KLHL29: variants seen among roughly 807,000 people sequenced by gnomAD.
KLHL29 encodes kelch-like protein 29.
Under a neutral mutation model 80.4 loss-of-function variants are expected in KLHL29, and 21 were observed. That is an observed-to-expected ratio of 0.26 (90% CI 0.19 to 0.38). KLHL29 has a LOEUF of 0.38. Ranked by LOEUF, KLHL29 falls within the 10% of genes least tolerant of loss-of-function variation. KLHL29 has a pLI of 1.00. For synonymous variants in KLHL29, 511 were observed against 526.8 expected, an observed-to-expected ratio of 0.97 and a Z score of 0.41; for missense variants, 867 against 1,223.9, an observed-to-expected ratio of 0.71 and a Z score of 4.35.
chr2:23,621,382 C>G (rs1669178692), intron 3 of KLHL29, among the ~76,000 whole-genome samples: 1 of 152,220 alleles, frequency 6.6e-6, no homozygotes, highest in African/African-American at 2.4e-5. Flanking sequence ...TCCTGAGTCC[C>G]TGCCCTCCTG....
rs944970071 is a variant in KLHL29, at chr2:23,596,445, A to G, written c.285+33964A>G. Among the ~76,000 whole-genome samples the G allele has an allele frequency of 6.6e-6, 1 of 151,968 alleles. No homozygotes were observed. The highest frequency in any genetic ancestry group is 6.6e-5 in the Admixed American group (1 of 15,258). On this transcript the variant is annotated intron_variant, in intron 3 of 13. Transcript: ENST00000486442. This position sits in a 1 kb window ranked among gnomAD's most constrained non-coding sequence, Gnocchi z 4.4. ...AGGAAGGAACCCGTTTCATAAGCGC[A>G]CTCACGTTGGAGCAGAACAGAGTCA... is the stretch of plus-strand genomic sequence containing the variant.
intron 1 of KLHL29, among the ~76,000 whole-genome samples, chr2:23,444,792 C>A (rs1404144938): frequency 6.6e-6 from 1 of 152,104 alleles, no homozygotes; most frequent in East Asian, 1.9e-4. Context: ...TAGAATATAT[C>A]CCGTTACAGA....
intron 2 of KLHL29, among the ~76,000 whole-genome samples, chr2:23,529,949 T>A (rs1666442198): frequency 6.6e-6 from 1 of 152,152 alleles, no homozygotes; most frequent in Non-Finnish European, 1.5e-5. Context: ...GTGGTGAGCA[T>A]GGATCAAGCT....
chr2:23,541,237 G>A (rs1709296), intron 2 of KLHL29, among the ~76,000 whole-genome samples: 11,957 of 152,306 alleles, frequency 0.079, 724 homozygotes, highest in African/African-American at 0.17. Context: ...GGAGGGAGAC[G>A]TGAATGGATG....
intron 1 of KLHL29, among the ~76,000 whole-genome samples, chr2:23,447,095 T>C (rs1663717942): frequency 6.6e-6 from 1 of 152,244 alleles, no homozygotes; most frequent in Non-Finnish European, 1.5e-5. Context: ...GTGTGTTAGA[T>C]GCCACAGTCA....
chr2:23,435,609 T>C (rs1488722695), intron 1 of KLHL29, among the ~76,000 whole-genome samples: 2 of 152,226 alleles, frequency 1.3e-5, no homozygotes, highest in African/African-American at 4.8e-5. Flanking sequence ...AATTTTCTGC[T>C]CCACTAAGTT....
At position 23,691,659 on chromosome 2, in the gene KLHL29, G is replaced by T. The variant is rs534356400; in HGVS notation, c.1080-15G>T. ...GCAGGGCAGGAGGTAAGGACACCCT[G>T]GTCTCTGTGCCTAGGTCCGTGCAAG... On this transcript the variant is annotated splice_polypyrimidine_tract_variant and intron_variant, in intron 6 of 13. Transcript: ENST00000486442. 1.8e-5 allele frequency: 28 copies of T among 1,550,986 alleles called. No individual in the cohort carries two copies. Among genetic ancestry groups the T allele is most frequent in the Non-Finnish European group, 2.4e-5 (27 of 1,146,540 alleles).
chr2:23,642,963 C>T (rs1270401703), intron 5 of KLHL29, 113 bp downstream of exon 5: 24 of 1,263,664 alleles, frequency 1.9e-5, no homozygotes, highest in Non-Finnish European at 2.7e-5. Context: ...TCACTGGCCT[C>T]CCCAACCCAG....
chr2:23,420,805 T>A (rs772077064), intron 1 of KLHL29, among the ~76,000 whole-genome samples: 5 of 152,288 alleles, frequency 3.3e-5, no homozygotes, highest in Non-Finnish European at 5.9e-5. Flanking sequence ...CAGCGGGGCC[T>A]CTGGGTGGGG....
intron 4 of KLHL29, among the ~76,000 whole-genome samples, chr2:23,639,656 T>TGTTC (rs1669711775): frequency 7.6e-6 from 1 of 131,958 alleles, no homozygotes; most frequent in South Asian, 2.7e-4. Flanking sequence ...ACAACTGGGG[T>TGTTC]GTTCTACCCT....
rs574774834 is a variant in KLHL29, at chr2:23,661,890, C to A, written c.940+19040C>A. On this transcript the variant is annotated intron_variant, in intron 5 of 13. Coordinates refer to ENST00000486442, the MANE Select transcript of KLHL29 (RefSeq NM_052920.2). ...GTGCCTGCCCTTGTATAGGAGGAGA[C>A]CCTGGGCAGGTCGCCAGGTATCCTC... Among the ~76,000 whole-genome samples the A allele has an allele frequency of 2.0e-5, 3 of 152,394 alleles. No homozygotes were observed. The East Asian group carries it at 5.8e-4, about 29-fold the overall frequency.
intron 3 of KLHL29, among the ~76,000 whole-genome samples, chr2:23,608,749 C>A (rs147743401): frequency 3.9e-5 from 6 of 152,236 alleles, no homozygotes; most frequent in African/African-American, 1.4e-4. Context: ...TATCCATTCT[C>A]GCACAGAGCA....
At chr2:23,542,778 G>A (rs1343130663) in intron 2 of KLHL29, among the ~76,000 whole-genome samples, 2 of 152,194 alleles carry the variant, frequency 1.3e-5, no homozygotes, top group Non-Finnish European at 2.9e-5. Flanking sequence ...GTTGAACCTG[G>A]AAGATGATCT....
intron 3 of KLHL29, among the ~76,000 whole-genome samples, chr2:23,594,142 G>A (rs2103518150): frequency 6.6e-6 from 1 of 152,314 alleles, no homozygotes; most frequent in East Asian, 1.9e-4. Context: ...TGATTATACA[G>A]CAGAGGTGGG....
intron 2 of KLHL29, among the ~76,000 whole-genome samples, chr2:23,515,341 T>C (rs1665889447): frequency 6.6e-6 from 1 of 152,206 alleles, no homozygotes; most frequent in Admixed American, 6.5e-5. Flanking sequence ...TCCAAGTCCC[T>C]TCCGGTTCCT....
rs181783197 is a variant in KLHL29, at chr2:23,409,133, C to G, written c.-154+23353C>G. ...CCAGACAAACGTGAGTATGAAGAAC[C>G]AGTCAGACATCACTTTCCCCATTGG... is the stretch of plus-strand genomic sequence containing the variant. On this transcript the variant is annotated intron_variant, in intron 1 of 13. Transcript: ENST00000486442. Among the ~76,000 whole-genome samples the G allele has an allele frequency of 2.6e-5, 4 of 152,302 alleles. No individual in the cohort carries two copies. In the East Asian group the frequency reaches 7.7e-4, roughly 29 times the overall value.
intron 2 of KLHL29, among the ~76,000 whole-genome samples, chr2:23,481,027 C>T (rs552023126): frequency 9.9e-5 from 15 of 152,240 alleles, no homozygotes; most frequent in Non-Finnish European, 2.1e-4. Flanking sequence ...AGATTTGCCT[C>T]TTCCATGCTC....
At chr2:23,609,278 G>A (rs981355412) in intron 3 of KLHL29, among the ~76,000 whole-genome samples, 6 of 152,146 alleles carry the variant, frequency 3.9e-5, no homozygotes, top group East Asian at 1.9e-4. Flanking sequence ...TGTCTAAGTC[G>A]AGGACTATAG....
At chr2:23,688,309 G>A (rs1671370013) in intron 6 of KLHL29, among the ~76,000 whole-genome samples, 1 of 152,204 alleles carries the variant, frequency 6.6e-6, no homozygotes, top group South Asian at 2.1e-4. Flanking sequence ...TCTGAGCAGA[G>A]CTGGGTACCA....
Sources: allele counts gnomAD v4.1 joint callset (sites outside exome capture counted in the v4.1 genomes callset), GRCh38; gene constraint gnomAD v4.1.1; non-coding constraint Gnocchi (gnomAD v3.1); transcripts MANE v1.5; gene names NCBI Gene and HGNC (gene_info 2026-07-23, HGNC 2026-07-21).